Variants in NHSL1 observed in about 807,000 individuals in gnomAD.
NHSL1 encodes the protein NHS-like protein 1.
Under a neutral mutation model 95.0 loss-of-function variants are expected in NHSL1, and 48 were observed. The observed-to-expected ratio is 0.51, with a 90% CI of 0.40 to 0.64. The LOEUF (loss-of-function observed/expected upper bound fraction) is 0.64, where lower values mean the gene tolerates loss of function less well. Ranked by LOEUF, NHSL1 falls within the 30% of genes least tolerant of loss-of-function variation. NHSL1 has a pLI of 0.00. For missense variants in NHSL1, 1,971 were observed against 2,077.7 expected (o/e 0.95, Z 1.00); for synonymous variants, 783 against 833.9 (o/e 0.94, Z 1.05).
intron 1 of NHSL1, among the ~76,000 whole-genome samples, chr6:138,669,754 G>A (rs1331737505): frequency 1.3e-5 from 2 of 152,108 alleles, no homozygotes; most frequent in African/African-American, 4.8e-5. Flanking sequence ...CTGACAGTTG[G>A]GCCTTACCAG....
chr6:138,589,670 C>G (rs1784195552), intron 1 of NHSL1, among the ~76,000 whole-genome samples: 1 of 152,220 alleles, frequency 6.6e-6, no homozygotes, highest in South Asian at 2.1e-4. Context: ...CCACCTCCTT[C>G]TCACAGTAGG....
chr6:138,658,777 GA>G (rs1785188727), intron 1 of NHSL1, among the ~76,000 whole-genome samples: 1 of 152,100 alleles, frequency 6.6e-6, no homozygotes, highest in South Asian at 2.1e-4. Flanking sequence ...GAGATTAAAG[GA>G]ATTGTAAATA....
At chr6:138,597,134 C>T (rs1784312657) in intron 1 of NHSL1, among the ~76,000 whole-genome samples, 1 of 152,104 alleles carries the variant, frequency 6.6e-6, no homozygotes, top group African/African-American at 2.4e-5. Flanking sequence ...GCACTCCAGC[C>T]TGGGCGACAG....
intron 1 of NHSL1, among the ~76,000 whole-genome samples, chr6:138,672,981 C>A (rs1334303464): frequency 6.6e-6 from 1 of 152,146 alleles, no homozygotes; most frequent in East Asian, 1.9e-4. Flanking sequence ...CGCACCACTG[C>A]ACTCCAATCT....
intron 1 of NHSL1, among the ~76,000 whole-genome samples, chr6:138,569,866 C>T (rs1367734516): frequency 2.0e-5 from 3 of 151,936 alleles, no homozygotes; most frequent in Admixed American, 6.5e-5. Flanking sequence ...TCATATTATT[C>T]ATGCCCAATT....
intron 1 of NHSL1, among the ~76,000 whole-genome samples, chr6:138,591,957 G>A (rs1051550285): frequency 2.3e-4 from 35 of 152,248 alleles, no homozygotes; most frequent in African/African-American, 7.7e-4. Flanking sequence ...GGCATCCACC[G>A]AGGGTTTTGG....
Position 138,432,327 on chromosome 6 carries a change from A to G in NHSL1, c.2018T>C (p.Leu673Pro). Residue 673 changes from leucine to proline, a missense_variant, in exon 6 of 8, where the codon CTG (leucine) becomes CCG (proline). By Grantham distance (98) the Leu-to-Pro change is moderately conservative (BLOSUM62 -3). Coordinates refer to ENST00000343505, the MANE Select transcript of NHSL1 (RefSeq NM_001144060.2). The surrounding 1 kb of genome is among the most constrained non-coding windows in gnomAD (Gnocchi z 4.4). ...ISLKKAKKPPLPPSRTDSLRR... is the reference protein window; with the variant it reads ...ISLKKAKKPPPPPSRTDSLRR... ...GAGGGAGTCTGTCCGGGAGGGTGGC[A>G]GGGGAGGCTTCTTTGCTTTCTTCAA... is the stretch of plus-strand genomic sequence containing the variant. 1.3e-6 allele frequency: 2 copies of G among 1,551,734 alleles called. No individual in the cohort carries two copies. The highest frequency in any genetic ancestry group is 1.2e-5 in the South Asian group (1 of 84,064).
At chr6:138,569,060 C>A (rs541551848) in intron 1 of NHSL1, among the ~76,000 whole-genome samples, 2 of 152,132 alleles carry the variant, frequency 1.3e-5, no homozygotes, top group Non-Finnish European at 2.9e-5. Context: ...CTGGAGACAG[C>A]GGGCAGGGAA....
chr6:138,454,450 T>C (rs1251158939), intron 3 of NHSL1, among the ~76,000 whole-genome samples: 1 of 152,080 alleles, frequency 6.6e-6, no homozygotes, highest in Non-Finnish European at 1.5e-5. Flanking sequence ...AGAATGAGAA[T>C]GGTTAGGAGG....
chr6:138,675,253 A>G (rs1282822654), intron 1 of NHSL1, among the ~76,000 whole-genome samples: 1 of 152,046 alleles, frequency 6.6e-6, no homozygotes, highest in African/African-American at 2.4e-5. Context: ...TAGAGCCTAA[A>G]GCTCTCAGTC....
chr6:138,624,943 T>C (rs909065771), intron 1 of NHSL1, among the ~76,000 whole-genome samples: 22 of 152,168 alleles, frequency 1.4e-4, no homozygotes, highest in Admixed American at 2.6e-4. Flanking sequence ...AAGGCCAGAA[T>C]TGATGATTAA....
chr6:138,531,955 C>T (rs139832374), intron 1 of NHSL1, among the ~76,000 whole-genome samples: 1 of 152,290 alleles, frequency 6.6e-6, no homozygotes, highest in African/African-American at 2.4e-5. Context: ...ACATTCCCTA[C>T]CCTCTAGGTT....
chr6:138,636,641 T>A (rs925996417), intron 1 of NHSL1, among the ~76,000 whole-genome samples: 43 of 152,188 alleles, frequency 2.8e-4, no homozygotes, highest in African/African-American at 1.0e-3. Context: ...GAAAAAGAAA[T>A]TTTAAAAGTA....
chr6:138,460,138 A>G (rs1432772547), intron 3 of NHSL1, among the ~76,000 whole-genome samples: 2 of 152,202 alleles, frequency 1.3e-5, no homozygotes, highest in African/African-American at 2.4e-5. Context: ...ACTCTTTAAA[A>G]TCTTTGGTAG....
At chr6:138,611,678 G>A (rs1008376335) in intron 1 of NHSL1, among the ~76,000 whole-genome samples, 41 of 152,074 alleles carry the variant, frequency 2.7e-4, no homozygotes, top group Admixed American at 2.2e-3. Context: ...CCCGGGAGGC[G>A]GAGCTTGCAG....
At chr6:138,638,232 G>A (rs1389907722) in intron 1 of NHSL1, among the ~76,000 whole-genome samples, 3 of 152,088 alleles carry the variant, frequency 2.0e-5, no homozygotes, top group Non-Finnish European at 4.4e-5. Flanking sequence ...GGGTGGGTGG[G>A]TGATGGTTAA....
At chr6:138,442,247 T>A in intron 4 of NHSL1, 133 bp from the exon 5 acceptor site, 1 of 904,626 alleles carries the variant, frequency 1.1e-6, no homozygotes, top group African/African-American at 1.7e-5. Context: ...TGATGATGAA[T>A]GCTGAAGGGC....
At chr6:138,557,993 G>A (rs1018323415) in intron 1 of NHSL1, among the ~76,000 whole-genome samples, 3 of 152,220 alleles carry the variant, frequency 2.0e-5, no homozygotes, top group Admixed American at 2.0e-4. Flanking sequence ...AAAGATGAAC[G>A]AGGCAAGCTT....
At chr6:138,478,067 C>T (rs13199062) in intron 2 of NHSL1, among the ~76,000 whole-genome samples, 27,267 of 123,144 alleles carry the variant, frequency 0.22, 3,128 homozygotes, top group Admixed American at 0.36. Context: ...TTTTTTTGCC[C>T]AGGCTGGAAC....
Sources: gnomAD v4.1 joint callset for allele counts (sites outside exome capture counted in the v4.1 genomes callset) on GRCh38, gnomAD v4.1.1 for gene constraint, Gnocchi (gnomAD v3.1) non-coding constraint, MANE v1.5 for transcripts, NCBI Gene and HGNC (gene_info 2026-07-23, HGNC 2026-07-21) for gene names.